Variants in TRMT61B observed in about 807,000 individuals in gnomAD.
TRMT61B encodes the protein tRNA methyltransferase 61B.
In TRMT61B, 56 loss-of-function variants were observed where a neutral mutation model predicts 52.0. The ratio of observed to expected loss-of-function variants is 1.08; its 90% confidence interval spans 0.87 to 1.35. The LOEUF is 1.35. TRMT61B is among the 40% of genes most tolerant of loss of function. The probability of loss-of-function intolerance (pLI) is 0.00; values close to 1 mark genes in which losing one functional copy is unlikely to be tolerated. For missense variants in TRMT61B, 650 were observed against 577.9 expected (o/e 1.12, Z -1.28); for synonymous variants, 206 against 220.0 (o/e 0.94, Z 0.56).
In TRMT61B at chr2:28,869,561, T is replaced by C. The variant is rs1413833248; in HGVS notation, c.699+18A>G. 4 of 1,574,290 alleles carry C rather than the reference T, an allele frequency of 2.5e-6. No individual in the cohort carries two copies. Among genetic ancestry groups the C allele is most frequent in the Non-Finnish European group, 3.5e-6 (4 of 1,148,058 alleles). Reference sequence around the variant, plus strand: ...GCCCCTCCTGAAACCAATACACACCTTATCTCCATCGCATTACCTTTGGGA... The same window carrying C: ...GCCCCTCCTGAAACCAATACACACCCTATCTCCATCGCATTACCTTTGGGA... On this transcript the variant is annotated intron_variant, in intron 1 of 6. Coordinates refer to ENST00000306108, the MANE Select transcript of TRMT61B (RefSeq NM_017910.4).
rs769298071 is a variant in TRMT61B at position 28,869,696 on chromosome 2, C to T, written c.582G>A (p.Gly194=). The T allele has an allele frequency of 5.6e-6, 9 of 1,614,086 alleles. No homozygotes were observed. Among genetic ancestry groups the T allele is most frequent in the African/African-American group, 2.7e-5 (2 of 74,930 alleles). The stretch of plus-strand genomic sequence containing the variant: ...TCCTCAGTATCTGGCCGGGGAACTT[C>T]CCCACGATCTTGCCGAACGGGACTG... ...WGAVPFGKIV[G]KFPGQILRSS... Residue 194 remains glycine (G), a synonymous_variant, in exon 1 of 7, where the codon GGG becomes GGA. Coordinates refer to ENST00000306108, the MANE Select transcript of TRMT61B (RefSeq NM_017910.4).
chr2:28,851,157 T>C lies in TRMT61B; in HGVS notation c.1227A>G (p.Val409=), dbSNP rs1669078535. 1 of 1,613,690 alleles carries C rather than the reference T, an allele frequency of 6.2e-7. No individual in the cohort carries two copies. Among genetic ancestry groups the C allele is most frequent in the Non-Finnish European group, 8.5e-7 (1 of 1,179,874 alleles). The change falls in exon 5 of 7, where the codon GTA becomes GTG. Residue 409 remains valine, a synonymous_variant. Coordinates refer to ENST00000306108, the MANE Select transcript of TRMT61B (RefSeq NM_017910.4). ...KQKNGILAQK[V]ESKINTDVQL... ...GTACATCTGTGTTGATTTTAGATTC[T>C]ACTTTTTGAGCTAAAATTCCATTTT...
rs772790847 is a variant in TRMT61B, at chr2:28,869,701, C to A, written c.577G>T (p.Val193Leu). 117 of 1,614,032 alleles carry A rather than the reference C, an allele frequency of 7.2e-5. No homozygotes were observed. Among genetic ancestry groups the A allele is most frequent in the Non-Finnish European group, 9.7e-5 (115 of 1,180,028 alleles). Reference sequence around the variant, plus strand: ...AGTATCTGGCCGGGGAACTTCCCCACGATCTTGCCGAACGGGACTGCCCCC... The same window carrying A: ...AGTATCTGGCCGGGGAACTTCCCCAAGATCTTGCCGAACGGGACTGCCCCC... ...NWGAVPFGKI[V>L]GKFPGQILRS... Residue 193 changes from valine (V) to leucine (L), a missense_variant, in exon 1 of 7, where the codon GTG (valine) becomes TTG (leucine). Val to Leu is a conservative substitution (Grantham distance 32). Transcript: ENST00000306108.
Position 28,852,470 on chromosome 2 carries a change from A to T in TRMT61B, c.1023T>A (p.Val341=), listed in dbSNP as rs187354115. ...GATGTGGGTAAAAAACAGGCAAAGTAACATGAGGATTTAACATATCCAAAG... is the reference window on the plus strand; with the variant it reads ...GATGTGGGTAAAAAACAGGCAAAGTTACATGAGGATTTAACATATCCAAAG... ...AVALDMLNPH[V]TLPVFYPHLK... Residue 341 remains valine (V), a synonymous_variant, in exon 4 of 7, where the codon GTT becomes GTA. Transcript: ENST00000306108. The T allele has an allele frequency of 6.2e-7, 1 of 1,612,740 alleles. No individual in the cohort carries two copies. Among genetic ancestry groups the T allele is most frequent in the Admixed American group, 1.7e-5 (1 of 59,928 alleles).
chr2:28,850,418 A>C lies in TRMT61B; in HGVS notation c.1313-13T>G, dbSNP rs1486734530. On this transcript the variant is annotated splice_polypyrimidine_tract_variant and intron_variant, in intron 5 of 6. Coordinates refer to ENST00000306108, the MANE Select transcript of TRMT61B (RefSeq NM_017910.4). ...GAATGCGATTCTTCTGTTGTAAAAAAATATATGTACTATAAGCTACATAAA... is the reference window on the plus strand; with the variant it reads ...GAATGCGATTCTTCTGTTGTAAAAACATATATGTACTATAAGCTACATAAA... 1 of 1,549,216 alleles carries C rather than the reference A, an allele frequency of 6.5e-7. No individual in the cohort carries two copies. The highest frequency in any genetic ancestry group is 1.9e-4 in the Middle Eastern group (1 of 5,336).
At chr2:28,866,219 G>T (rs1379663788) in intron 1 of TRMT61B, among the ~76,000 whole-genome samples, 1 of 152,030 alleles carries the variant, frequency 6.6e-6, no homozygotes, top group African/African-American at 2.4e-5. Context: ...TCAAACTCCT[G>T]ATTTCAGGTG....
intron 1 of TRMT61B, 25 bp from the exon 2 acceptor site, chr2:28,865,144 A>T (rs1381155719): frequency 7.4e-7 from 1 of 1,350,706 alleles, no homozygotes; most frequent in Non-Finnish European, 1.1e-6. Flanking sequence ...AGTATGGGTG[A>T]CTCAGCGACC....
intron 4 of TRMT61B, among the ~76,000 whole-genome samples, 168 bp downstream of exon 4, chr2:28,852,240 G>A (rs1316085180): frequency 6.6e-6 from 1 of 150,382 alleles, no homozygotes; most frequent in Non-Finnish European, 1.5e-5. Flanking sequence ...TTGAACAGGG[G>A]AGGTGGAGGT....
intron 3 of TRMT61B, among the ~76,000 whole-genome samples, chr2:28,853,208 C>T (rs1669197885): frequency 6.6e-6 from 1 of 151,098 alleles, no homozygotes; most frequent in South Asian, 2.1e-4. Flanking sequence ...CAGGGTCTCG[C>T]TCTGTTGACC....
rs151211986 is a variant in TRMT61B at position 28,867,603 on chromosome 2, A to C, written c.699+1976T>G. Among the ~76,000 whole-genome samples, 204 of 152,336 alleles carry C rather than the reference A, an allele frequency of 1.3e-3. 1 individual carries two copies. Among genetic ancestry groups the C allele is most frequent in the Non-Finnish European group, 2.4e-3 (160 of 68,036 alleles). ...TTCCTCCTTAGAGTGGAACAATGTGACTTTTATCTGTAACAAATGGAAAGG... is the reference window on the plus strand; with the variant it reads ...TTCCTCCTTAGAGTGGAACAATGTGCCTTTTATCTGTAACAAATGGAAAGG... On this transcript the variant is annotated intron_variant, in intron 1 of 6. Transcript: ENST00000306108.
intron 1 of TRMT61B, among the ~76,000 whole-genome samples, chr2:28,867,556 C>A (rs1669902354): frequency 6.6e-6 from 1 of 152,092 alleles, no homozygotes; most frequent in African/African-American, 2.4e-5. Context: ...GAAGTCAACA[C>A]CTAACAAATT....
intron 3 of TRMT61B, among the ~76,000 whole-genome samples, chr2:28,860,863 C>G (rs1400685984): frequency 6.6e-6 from 1 of 152,198 alleles, no homozygotes; most frequent in Non-Finnish European, 1.5e-5. Flanking sequence ...TGATGCTCAA[C>G]TAGTCTTTGG....
intron 3 of TRMT61B, among the ~76,000 whole-genome samples, chr2:28,859,228 C>T (rs901111654): frequency 2.6e-5 from 4 of 152,088 alleles, no homozygotes; most frequent in Non-Finnish European, 5.9e-5. Context: ...CACAGGCACC[C>T]GCCACCACGC....
At position 28,869,994 on chromosome 2, in the gene TRMT61B, T is replaced by G; in HGVS notation, c.284A>C (p.Glu95Ala). 2 of 1,613,486 alleles carry G rather than the reference T, an allele frequency of 1.2e-6. No homozygotes were observed. The highest frequency in any genetic ancestry group is 1.7e-6 in the Non-Finnish European group (2 of 1,179,914). ...CTCGAGCTCTCGAGGGGATGACTCT[T>G]CCCGCAGCGTCGGCAGTCTGAGGTT... is the stretch of plus-strand genomic sequence containing the variant. ...LENLRLPTLR[E>A]ESSPRELEDS... Residue 95 changes from glutamate (E) to alanine (A), a missense_variant, in exon 1 of 7, where the codon GAA becomes GCA. Coordinates refer to ENST00000306108, the MANE Select transcript of TRMT61B (RefSeq NM_017910.4).
intron 3 of TRMT61B, 61 bp downstream of exon 3, chr2:28,861,057 C>G (rs1669576706): frequency 1.4e-6 from 2 of 1,396,958 alleles, no homozygotes; most frequent in East Asian, 2.5e-5. Context: ...ACAAAAGAAG[C>G]CTGACCCCTA....
chr2:28,858,332 G>A (rs187983930), intron 3 of TRMT61B, among the ~76,000 whole-genome samples: 51 of 152,030 alleles, frequency 3.4e-4, no homozygotes, highest in African/African-American at 1.2e-3. Context: ...GAGCCATTGC[G>A]CCCGGCTAAT....
chr2:28,862,677 T>C (rs903533972), intron 2 of TRMT61B, among the ~76,000 whole-genome samples: 8 of 151,562 alleles, frequency 5.3e-5, no homozygotes, highest in Non-Finnish European at 8.8e-5. Context: ...ATGGATGAGG[T>C]TGAGTCTTTC....
chr2:28,865,879 C>T (rs1465046317), intron 1 of TRMT61B, among the ~76,000 whole-genome samples: 1 of 151,624 alleles, frequency 6.6e-6, no homozygotes, highest in Non-Finnish European at 1.5e-5. Context: ...TGGGGTTTCA[C>T]CACGTTGGCC....
intron 1 of TRMT61B, among the ~76,000 whole-genome samples, chr2:28,866,808 A>T (rs767633811): frequency 3.9e-5 from 6 of 152,132 alleles, no homozygotes; most frequent in African/African-American, 1.2e-4. Context: ...TTAGTAAACA[A>T]ATTTTCTTGG....
Sources: allele counts gnomAD v4.1 joint callset (sites outside exome capture counted in the v4.1 genomes callset), GRCh38; gene constraint gnomAD v4.1.1; transcripts MANE v1.5; gene names NCBI Gene and HGNC (gene_info 2026-07-23, HGNC 2026-07-21).